The following DMD variants were observed in gnomAD, a reference collection of about 807,000 sequenced individuals.
DMD encodes the protein dystrophin.
Under a neutral mutation model 330.1 loss-of-function variants are expected in DMD, and 63 were observed. The observed-to-expected ratio is 0.19, with a 90% CI of 0.16 to 0.24. The LOEUF is 0.24. DMD is among the 10% of genes least tolerant of loss of function. The probability of loss-of-function intolerance (pLI) is 1.00; values close to 1 mark genes in which losing one functional copy is unlikely to be tolerated. For synonymous variants in DMD, 1,223 were observed against 959.8 expected, an observed-to-expected ratio of 1.27 and a Z score of -5.07; for missense variants, 3,344 against 2,684.1, an observed-to-expected ratio of 1.25 and a Z score of -5.43.
intron 43 of DMD, among the ~76,000 whole-genome samples, chrX:32,229,681 C>CATATATATATATATATAT (rs55916475): frequency 1.2e-4 from 3 of 24,342 alleles, no homozygotes; most frequent in Non-Finnish European, 2.1e-4. Context: ...AGAGTTTCAT[C>CATATATATATATATATAT]ATATATATAT....
chrX:32,723,012 A>C (rs1204313179), intron 7 of DMD, among the ~76,000 whole-genome samples: 4 of 111,109 alleles, frequency 3.6e-5, no homozygotes, highest in Non-Finnish European at 7.6e-5. Flanking sequence ...GCAAATCTTA[A>C]GGGGAAAGCT....
intron 2 of DMD, among the ~76,000 whole-genome samples, chrX:32,909,785 G>A (rs983177844): frequency 4.5e-5 from 5 of 112,050 alleles, no homozygotes; most frequent in Non-Finnish European, 9.4e-5. Context: ...AAGAAAAAGT[G>A]GGAAACGAAA....
chrX:31,443,006 G>A (rs1458449203), intron 60 of DMD, among the ~76,000 whole-genome samples: 1 of 110,931 alleles, frequency 9.0e-6, no homozygotes, highest in Non-Finnish European at 1.9e-5. Flanking sequence ...TCTTTAACAG[G>A]CCTCTCAATC....
chrX:32,907,844 T>G (rs191843042), intron 2 of DMD, among the ~76,000 whole-genome samples: 406 of 112,278 alleles, frequency 3.6e-3, no homozygotes, highest in African/African-American at 0.011. Flanking sequence ...GAATTTGAAT[T>G]TTCTTACTTA....
intron 44 of DMD, among the ~76,000 whole-genome samples, chrX:32,031,935 C>A (rs1437899129): frequency 2.7e-5 from 3 of 111,916 alleles, no homozygotes; most frequent in African/African-American, 9.7e-5. Flanking sequence ...CAAGCTCATG[C>A]AGAACTATTT....
In DMD at chrX:33,264,889, T is replaced by A. The variant is rs146737366; in HGVS notation, c.7+74370A>T. 3.3e-3 allele frequency among the ~76,000 whole-genome samples: 366 copies of A among 110,374 alleles called. 1 individual carries two copies. The highest frequency in any genetic ancestry group is 0.011 in the African/African-American group (346 of 30,509). ...TGTTATCCTGGCACAGAAATTATGA[T>A]GACATTGAAAAAAATATTTTCATAA... On this transcript the variant is annotated intron_variant, in intron 1 of 17. Transcript: ENST00000288447.
intron 13 of DMD, among the ~76,000 whole-genome samples, chrX:32,581,658 T>G (rs1358238755): frequency 8.9e-6 from 1 of 111,927 alleles, no homozygotes; most frequent in Non-Finnish European, 1.9e-5. Context: ...ATTAAATACA[T>G]AAAAATTTAA....
In DMD at chrX:32,644,958, G is replaced by C. The variant is rs772363146; in HGVS notation, c.1149+6C>G. ...TTTTGTTTTGTAAATTAACGTTTTAGTTTACCTCATGAGTATGAAACTGGT... is the reference window on the plus strand; with the variant it reads ...TTTTGTTTTGTAAATTAACGTTTTACTTTACCTCATGAGTATGAAACTGGT... On this transcript the variant is annotated splice_donor_region_variant and intron_variant, in intron 10 of 78. Transcript: ENST00000357033. The C allele has an allele frequency of 1.7e-6, 2 of 1,207,837 alleles. No homozygotes were observed. The highest frequency in any genetic ancestry group is 2.2e-5 in the Admixed American group (1 of 45,680).
At chrX:32,801,605 T>C (rs1460604873) in intron 7 of DMD, among the ~76,000 whole-genome samples, 2 of 112,066 alleles carry the variant, frequency 1.8e-5, no homozygotes, top group East Asian at 2.8e-4. Context: ...CTGAAAGGTA[T>C]TGCCTAGGTT....
At chrX:32,281,617 C>G (rs1301546246) in intron 43 of DMD, among the ~76,000 whole-genome samples, 1 of 111,686 alleles carries the variant, frequency 9.0e-6, no homozygotes. Context: ...TAACTCCTAT[C>G]TGACCTCTAA....
intron 70 of DMD, chrX:31,178,235 T>G: frequency 4.0e-6 from 3 of 753,037 alleles, no homozygotes; most frequent in Non-Finnish European, 4.7e-6. Context: ...TACTGTGAAG[T>G]AGTTTCCTGT....
chrX:32,628,329 TTGTTTTTC>T (rs1353463597), intron 11 of DMD, among the ~76,000 whole-genome samples: 1 of 94,425 alleles, frequency 1.1e-5, no homozygotes, highest in Admixed American at 1.2e-4. Context: ...CATGCAAAGT[TTGTTTTTC>T]TGTGCCGGGC....
At chrX:32,406,431 A>G (rs1287950383) in intron 30 of DMD, among the ~76,000 whole-genome samples, 3 of 110,679 alleles carry the variant, frequency 2.7e-5, no homozygotes, top group Non-Finnish European at 5.6e-5. Context: ...TGTCCCATCA[A>G]TACCTAATTT....
At chrX:31,912,703 C>G (rs1295425494) in intron 47 of DMD, among the ~76,000 whole-genome samples, 1 of 111,323 alleles carries the variant, frequency 9.0e-6, no homozygotes, top group Non-Finnish European at 1.9e-5. Context: ...CATTTTTGTT[C>G]CTGTTTCCAG....
intron 1 of DMD, among the ~76,000 whole-genome samples, chrX:33,247,891 A>T (rs2052695510): frequency 8.9e-6 from 1 of 111,765 alleles, no homozygotes; most frequent in Non-Finnish European, 1.9e-5. Context: ...TAACTATGAC[A>T]AGTTATATCA....
At chrX:33,087,218 G>A (rs966395889) in intron 1 of DMD, among the ~76,000 whole-genome samples, 5 of 111,816 alleles carry the variant, frequency 4.5e-5, no homozygotes, top group Admixed American at 3.8e-4. Context: ...AAATATTGTA[G>A]GCTAAATTAA....
intron 43 of DMD, among the ~76,000 whole-genome samples, chrX:32,267,665 T>G (rs1435478425): frequency 8.9e-6 from 1 of 112,265 alleles, no homozygotes; most frequent in East Asian, 2.8e-4. Flanking sequence ...TCCAGGAGAC[T>G]TGAAAAAATC....
chrX:32,768,505 C>T (rs1268989586), intron 7 of DMD, among the ~76,000 whole-genome samples: 1 of 111,650 alleles, frequency 9.0e-6, no homozygotes, highest in African/African-American at 3.3e-5. Context: ...ATTTAATTCC[C>T]CATTCATATG....
At chrX:33,046,171 ACTC>A (rs757342472) in intron 1 of DMD, among the ~76,000 whole-genome samples, 26 of 111,024 alleles carry the variant, frequency 2.3e-4, no homozygotes, top group African/African-American at 8.2e-4. Flanking sequence ...AGTCCTAACA[ACTC>A]CTGAATGTGA....
Sources: gnomAD v4.1 joint callset for allele counts (sites outside exome capture counted in the v4.1 genomes callset) on GRCh38, gnomAD v4.1.1 for gene constraint, MANE v1.5 for transcripts, NCBI Gene and HGNC (gene_info 2026-07-23, HGNC 2026-07-21) for gene names.